SH3KBP1: variants seen among roughly 807,000 people sequenced by gnomAD.
The protein encoded by SH3KBP1 is SH3 domain-containing kinase-binding protein 1.
In SH3KBP1, 8 loss-of-function variants were observed where a neutral mutation model predicts 50.1. That is an observed-to-expected ratio of 0.16 (90% confidence interval 0.09 to 0.29). The LOEUF (loss-of-function observed/expected upper bound fraction) is 0.29, where lower values mean the gene tolerates loss of function less well. Ranked by LOEUF, SH3KBP1 falls within the 10% of genes least tolerant of loss-of-function variation. The pLI, the probability that SH3KBP1 is intolerant of heterozygous loss-of-function variation, is 1.00. For missense variants in SH3KBP1, 377 were observed against 535.2 expected (o/e 0.70, Z 2.92); for synonymous variants, 227 against 218.6 (o/e 1.04, Z -0.34).
Position 19,729,743 on chromosome X carries a change from C to T in SH3KBP1, c.286+16575G>A, listed in dbSNP as rs1056122060. On this transcript the variant is annotated intron_variant, in intron 3 of 17. Coordinates refer to ENST00000397821, the MANE Select transcript of SH3KBP1 (RefSeq NM_031892.3). ...TGGAAGAGAAGGATGGAGAGAGAGTCAGAGGAAGAAAGGAACAGAGGAAAG... is the reference window on the plus strand; with the variant it reads ...TGGAAGAGAAGGATGGAGAGAGAGTTAGAGGAAGAAAGGAACAGAGGAAAG... 2.7e-5 allele frequency among the ~76,000 whole-genome samples: 3 copies of T among 110,417 alleles called. No individual in the cohort carries two copies. In the Admixed American group the frequency reaches 2.9e-4, roughly 11 times the overall value.
chrX:19,575,798 A>C lies in SH3KBP1; in HGVS notation c.1299-6610T>G, dbSNP rs751642171. 1.8e-4 allele frequency among the ~76,000 whole-genome samples: 20 copies of C among 112,180 alleles called. No individual in the cohort carries two copies. The South Asian group carries it at 5.9e-3, about 33-fold the overall frequency. On this transcript the variant is annotated intron_variant, in intron 12 of 17. Transcript: ENST00000397821. Reference sequence around the variant, plus strand: ...TCTTAGAACAATGCTAATGAATTTCAGTTCTGAAAAATACCAAAATTTCTG... The same window carrying C: ...TCTTAGAACAATGCTAATGAATTTCCGTTCTGAAAAATACCAAAATTTCTG...
At chrX:19,770,728 A>G (rs933392523) in intron 2 of SH3KBP1, among the ~76,000 whole-genome samples, 1 of 106,972 alleles carries the variant, frequency 9.3e-6, no homozygotes, top group Non-Finnish European at 1.9e-5. Context: ...TTACTTTTTA[A>G]TAATAGCCAT....
chrX:19,676,876 C>T (rs1030153904), intron 6 of SH3KBP1, among the ~76,000 whole-genome samples: 96 of 112,041 alleles, frequency 8.6e-4, no homozygotes, highest in African/African-American at 2.9e-3. Flanking sequence ...ACAAACACAA[C>T]GCCTTGTAGA....
chrX:19,546,341 TC>T (rs1483241017), intron 14 of SH3KBP1, among the ~76,000 whole-genome samples: 1 of 111,963 alleles, frequency 8.9e-6, no homozygotes, highest in East Asian at 2.8e-4. Context: ...TCCTGCTCCT[TC>T]CTCTAAACAT....
In SH3KBP1 at chrX:19,659,964, G is replaced by A. The variant is rs1470139472; in HGVS notation, c.727-14489C>T. On this transcript the variant is annotated intron_variant, in intron 6 of 17. Coordinates refer to ENST00000397821, the MANE Select transcript of SH3KBP1 (RefSeq NM_031892.3). ...TACCCATGTGCCTTGCACAGGAGAT[G>A]CTAAATATTCTTAATTTACTTCAGT... is the stretch of plus-strand genomic sequence containing the variant. Among the ~76,000 whole-genome samples the A allele has an allele frequency of 2.7e-5, 3 of 112,775 alleles. No homozygotes were observed. In the East Asian group the frequency reaches 8.3e-4, roughly 31 times the overall value.
At chrX:19,786,157 G>A (rs1197979934) in intron 2 of SH3KBP1, among the ~76,000 whole-genome samples, 1 of 111,551 alleles carries the variant, frequency 9.0e-6, no homozygotes, top group Non-Finnish European at 1.9e-5. Flanking sequence ...TTCCATTAAA[G>A]ACAGCTTTTC....
At chrX:19,844,221 C>T (rs1414416811) in intron 1 of SH3KBP1, among the ~76,000 whole-genome samples, 1 of 111,443 alleles carries the variant, frequency 9.0e-6, no homozygotes, top group Non-Finnish European at 1.9e-5. Context: ...TCCCTACACA[C>T]ACCCTGGAAT....
chrX:19,645,177 C>A (rs2061962808), intron 7 of SH3KBP1, among the ~76,000 whole-genome samples: 1 of 111,753 alleles, frequency 8.9e-6, no homozygotes, highest in Non-Finnish European at 1.9e-5. Flanking sequence ...AGGAGAGAAC[C>A]ACGTTCTGTA....
At chrX:19,676,740 CA>C (rs993734300) in intron 6 of SH3KBP1, among the ~76,000 whole-genome samples, 1 of 112,484 alleles carries the variant, frequency 8.9e-6, no homozygotes, top group Admixed American at 9.4e-5. Flanking sequence ...CATTTATACA[CA>C]ATTTTAATTC....
intron 2 of SH3KBP1, among the ~76,000 whole-genome samples, chrX:19,813,124 C>G (rs750037964): frequency 2.8e-5 from 3 of 107,423 alleles, no homozygotes; most frequent in Non-Finnish European, 5.8e-5. Flanking sequence ...GCCTGGGCAA[C>G]AGAGTGAGAC....
intron 13 of SH3KBP1, among the ~76,000 whole-genome samples, chrX:19,559,917 C>T (rs73631353): frequency 0.033 from 3,677 of 110,811 alleles, 147 homozygotes; most frequent in African/African-American, 0.11. Flanking sequence ...TACATTTCCC[C>T]GTAATAACTT....
intron 7 of SH3KBP1, among the ~76,000 whole-genome samples, chrX:19,643,322 AT>A (rs1237715100): frequency 3.9e-4 from 28 of 72,144 alleles, no homozygotes; most frequent in South Asian, 6.0e-4. Flanking sequence ...TTTTTTTTTT[AT>A]TTTTTTTTTT....
In SH3KBP1 at chrX:19,873,954, C is replaced by T. The variant is rs181278517; in HGVS notation, c.4+13353G>A. 7.0e-3 allele frequency among the ~76,000 whole-genome samples: 681 copies of T among 96,793 alleles called. 11 individuals are homozygous for T. The highest frequency in any genetic ancestry group is 0.025 in the African/African-American group (640 of 25,404). The allele number at this position is 96,793 out of a possible 115,157, so 84.1% of individuals were successfully genotyped here. A position where few individuals can be genotyped will look rare whatever the true frequency, so the allele number is the denominator to read the frequency against. The stretch of plus-strand genomic sequence containing the variant: ...ATCCCAGCTACTCGGGAGGCTGAGG[C>T]GGGGGGATCCCTTGAACTGGGGAGG... On this transcript the variant is annotated intron_variant, in intron 1 of 17. Coordinates refer to ENST00000397821, the MANE Select transcript of SH3KBP1 (RefSeq NM_031892.3).
chrX:19,886,013 C>T (rs893513102), intron 1 of SH3KBP1, among the ~76,000 whole-genome samples: 14 of 110,370 alleles, frequency 1.3e-4, no homozygotes, highest in Admixed American at 3.9e-4. Context: ...ATATGTAATA[C>T]TGCTACGAAA....
At chrX:19,867,582 G>C (rs1471190581) in intron 1 of SH3KBP1, among the ~76,000 whole-genome samples, 1 of 111,520 alleles carries the variant, frequency 9.0e-6, no homozygotes, top group African/African-American at 3.3e-5. Context: ...TCCAGGCTAA[G>C]AGCCAAGATT....
intron 3 of SH3KBP1, among the ~76,000 whole-genome samples, chrX:19,744,824 A>G (rs1262386690): frequency 1.8e-5 from 2 of 112,631 alleles, no homozygotes; most frequent in Non-Finnish European, 3.8e-5. Context: ...TAAAGTTCTC[A>G]GGTAATTTTA....
At chrX:19,554,335 T>TATCATATTAAAATATAA in intron 13 of SH3KBP1, among the ~76,000 whole-genome samples, 1 of 76,145 alleles carries the variant, frequency 1.3e-5, no homozygotes, top group African/African-American at 5.8e-5. Context: ...AAATATAATA[T>TATCATATTAAAATATAA]TATATATCAT....
At chrX:19,687,599 G>A (rs2063194522) in intron 5 of SH3KBP1, 1 of 1,176,959 alleles carries the variant, frequency 8.5e-7, no homozygotes, top group East Asian at 3.0e-5. Flanking sequence ...ATTGCCTTCT[G>A]CTGTTAAGGT....
chrX:19,571,054 C>T (rs370134052), intron 12 of SH3KBP1, among the ~76,000 whole-genome samples: 1 of 111,976 alleles, frequency 8.9e-6, no homozygotes, highest in African/African-American at 3.2e-5. Flanking sequence ...CCTCAACTCC[C>T]AAGCAAAAAA....
Sources: allele counts gnomAD v4.1 joint callset (sites outside exome capture counted in the v4.1 genomes callset), GRCh38; gene constraint gnomAD v4.1.1; transcripts MANE v1.5; gene names NCBI Gene and HGNC (gene_info 2026-07-23, HGNC 2026-07-21).